DENND5B: variants seen among roughly 807,000 people sequenced by gnomAD.
The protein encoded by DENND5B is DENN domain-containing protein 5B.
A neutral mutation model predicts 140.6 loss-of-function variants in DENND5B; 34 were observed. That is an observed-to-expected ratio of 0.24 (90% CI 0.18 to 0.32). DENND5B has a LOEUF of 0.32. DENND5B is among the 10% of genes least tolerant of loss of function. DENND5B has a pLI of 1.00. For missense variants in DENND5B, 1,142 were observed against 1,560.2 expected, an observed-to-expected ratio of 0.73 and a Z score of 4.52; for synonymous variants, 551 against 562.1, an observed-to-expected ratio of 0.98 and a Z score of 0.28.
At chr12:31,449,780 C>T (rs894840176) in intron 5 of DENND5B, among the ~76,000 whole-genome samples, 5 of 144,762 alleles carry the variant, frequency 3.5e-5, no homozygotes, top group Non-Finnish European at 6.0e-5. Flanking sequence ...CCCAGGCTGG[C>T]GTCCAGTGGC....
At chr12:31,427,759 G>A (rs924935352) in intron 8 of DENND5B, among the ~76,000 whole-genome samples, 1 of 152,100 alleles carries the variant, frequency 6.6e-6, no homozygotes, top group African/African-American at 2.4e-5. Flanking sequence ...GGTAGTGGGG[G>A]GCAGCATGGA....
chr12:31,503,975 A>G (rs1273921646), intron 1 of DENND5B, among the ~76,000 whole-genome samples: 3 of 152,210 alleles, frequency 2.0e-5, no homozygotes, highest in African/African-American at 7.2e-5. Flanking sequence ...AACCAGTTAT[A>G]TAGAGAACTA....
chr12:31,398,142 A>G, intron 17 of DENND5B, 33 bp downstream of exon 17: 1 of 1,544,272 alleles, frequency 6.5e-7, no homozygotes, highest in South Asian at 1.2e-5. Flanking sequence ...CCTACATCAT[A>G]GGAGCACATA....
intron 13 of DENND5B, among the ~76,000 whole-genome samples, chr12:31,410,568 A>T (rs1286920474): frequency 2.0e-5 from 3 of 151,798 alleles, no homozygotes; most frequent in Non-Finnish European, 4.4e-5. Flanking sequence ...ACCACACTCA[A>T]CTAATTTTTT....
At chr12:31,572,096 T>C (rs1367725125) in intron 1 of DENND5B, among the ~76,000 whole-genome samples, 1 of 151,996 alleles carries the variant, frequency 6.6e-6, no homozygotes, top group Non-Finnish European at 1.5e-5. Flanking sequence ...TGGTGGCGCA[T>C]GCCTGTAATC....
chr12:31,555,072 T>C (rs1020002392), intron 1 of DENND5B, among the ~76,000 whole-genome samples: 2 of 152,230 alleles, frequency 1.3e-5, no homozygotes, highest in East Asian at 1.9e-4. Context: ...AGTCATTCTT[T>C]GTCCAGCTTT....
chr12:31,486,616 T>C (rs1946320513), intron 2 of DENND5B, among the ~76,000 whole-genome samples: 1 of 152,194 alleles, frequency 6.6e-6, no homozygotes, highest in South Asian at 2.1e-4. Flanking sequence ...ATGCCCACAA[T>C]ACCTCAACTA....
intron 16 of DENND5B, 61 bp from the exon 17 acceptor site, chr12:31,398,423 G>T: frequency 6.8e-7 from 1 of 1,464,038 alleles, no homozygotes. Flanking sequence ...TTCCCGCTCA[G>T]CCCCCTGAGT....
chr12:31,417,023 G>T (rs1217769231), intron 11 of DENND5B, among the ~76,000 whole-genome samples: 3 of 136,806 alleles, frequency 2.2e-5, no homozygotes, highest in African/African-American at 8.3e-5. Context: ...GCCCACCACT[G>T]CACTCCAGCC....
intron 18 of DENND5B, 27 bp downstream of exon 18, chr12:31,392,587 A>C: frequency 1.3e-6 from 2 of 1,548,042 alleles, no homozygotes; most frequent in Non-Finnish European, 1.7e-6. Context: ...AAGTCCCACT[A>C]TACTAAGTTT....
At chr12:31,394,502 C>T (rs1422366427) in intron 17 of DENND5B, among the ~76,000 whole-genome samples, 1 of 152,096 alleles carries the variant, frequency 6.6e-6, no homozygotes, top group Non-Finnish European at 1.5e-5. Flanking sequence ...TAAAATTCAC[C>T]ATGTAATAAA....
At chr12:31,406,873 C>T (rs1226291780) in intron 14 of DENND5B, among the ~76,000 whole-genome samples, 2 of 151,682 alleles carry the variant, frequency 1.3e-5, no homozygotes, top group African/African-American at 4.8e-5. Context: ...GATCTTGGCT[C>T]ACTGCAACCT....
chr12:31,434,704 T>C (rs1391679862), intron 7 of DENND5B, among the ~76,000 whole-genome samples: 1 of 152,230 alleles, frequency 6.6e-6, no homozygotes, highest in African/African-American at 2.4e-5. Flanking sequence ...GGCTCAGTTT[T>C]CTTTTCTTCC....
At chr12:31,541,645 C>T (rs1948683327) in intron 1 of DENND5B, among the ~76,000 whole-genome samples, 1 of 152,114 alleles carries the variant, frequency 6.6e-6, no homozygotes. Flanking sequence ...TTGGAGGTTC[C>T]TCAAAAAACT....
chr12:31,475,152 G>A (rs1477034123), intron 3 of DENND5B, among the ~76,000 whole-genome samples: 3 of 152,132 alleles, frequency 2.0e-5, no homozygotes, highest in Non-Finnish European at 1.5e-5. Flanking sequence ...CTGCTGTTGA[G>A]AGGATTAAAT....
In DENND5B at chr12:31,387,507, G is replaced by A; in HGVS notation, c.*96C>T. The A allele has an allele frequency of 2.3e-6, 3 of 1,307,070 alleles. No homozygotes were observed. Among genetic ancestry groups the A allele is most frequent in the Non-Finnish European group, 3.2e-6 (3 of 946,748 alleles). 81.0% of individuals were successfully genotyped at this position (1,307,070 alleles called of 1,614,324 possible). ...TTCCAAATGGGGCATATGTTTGGCT[G>A]CCCCTGCAGTGACTCACTACTGTCA... is the stretch of plus-strand genomic sequence containing the variant. On this transcript the variant is annotated 3_prime_UTR_variant, in exon 21 of 21. Coordinates refer to ENST00000389082, the MANE Select transcript of DENND5B (RefSeq NM_144973.4).
chr12:31,402,870 T>TAC (rs1941883518), intron 14 of DENND5B, among the ~76,000 whole-genome samples: 3 of 152,184 alleles, frequency 2.0e-5, no homozygotes, highest in Non-Finnish European at 4.4e-5. Context: ...TCACAGCATG[T>TAC]ATATCATCAT....
chr12:31,516,415 T>C (rs1481019850), intron 1 of DENND5B, among the ~76,000 whole-genome samples: 1 of 150,314 alleles, frequency 6.7e-6, no homozygotes, highest in Non-Finnish European at 1.5e-5. Context: ...ATGGTGAGGT[T>C]GCAGTGAGCT....
chr12:31,529,294 T>C lies in DENND5B; in HGVS notation c.128-33375A>G, dbSNP rs1299945047. Among the ~76,000 whole-genome samples the C allele has an allele frequency of 3.3e-5, 5 of 152,102 alleles. No homozygotes were observed. In the South Asian group the frequency reaches 1.0e-3, roughly 31 times the overall value. On this transcript the variant is annotated intron_variant, in intron 1 of 20. Coordinates refer to ENST00000389082, the MANE Select transcript of DENND5B (RefSeq NM_144973.4). ...CAGAAAAAAACTAGAGAAAATCTTA[T>C]AACCTCAGTCATCCTAAGATTGGAT...
Sources: gnomAD v4.1 joint callset for allele counts (sites outside exome capture counted in the v4.1 genomes callset) on GRCh38, gnomAD v4.1.1 for gene constraint, MANE v1.5 for transcripts, NCBI Gene and HGNC (gene_info 2026-07-23, HGNC 2026-07-21) for gene names.